The following TMC1 variants were observed in gnomAD, a reference collection of about 807,000 sequenced individuals.
TMC1 encodes transmembrane channel like 1.
A neutral mutation model predicts 105.8 loss-of-function variants in TMC1; 84 were observed. The ratio of observed to expected loss-of-function variants is 0.79; its 90% CI spans 0.67 to 0.95. The LOEUF (loss-of-function observed/expected upper bound fraction) is 0.95, where lower values mean the gene tolerates loss of function less well. Ranked by LOEUF, TMC1 falls within the 40% of genes least tolerant of loss-of-function variation. TMC1 has a pLI of 0.00. For synonymous variants in TMC1, 315 were observed against 311.5 expected (o/e 1.01, Z -0.12); for missense variants, 817 against 914.1 (o/e 0.89, Z 1.37).
chr9:72,609,884 A>C, intron 2 of TMC1, among the ~76,000 whole-genome samples: 1 of 152,032 alleles, frequency 6.6e-6, no homozygotes, highest in East Asian at 1.9e-4. Flanking sequence ...CTTACTCATC[A>C]AGAAGCCTTC....
At chr9:72,736,006 G>A (rs544983520) in intron 8 of TMC1, among the ~76,000 whole-genome samples, 1 of 152,090 alleles carries the variant, frequency 6.6e-6, no homozygotes, top group Admixed American at 6.6e-5. Context: ...TGGGGGTGCT[G>A]GCAGGGATCT....
intron 5 of TMC1, chr9:72,655,768 ACTGATG>A: frequency 1.8e-6 from 1 of 547,328 alleles, no homozygotes; most frequent in South Asian, 2.1e-5. Context: ...TCAAAAGATT[ACTGATG>A]CTTGTTTCAT....
intron 1 of TMC1, among the ~76,000 whole-genome samples, chr9:72,558,162 C>T (rs1330305869): frequency 6.6e-6 from 1 of 152,076 alleles, no homozygotes; most frequent in Non-Finnish European, 1.5e-5. Flanking sequence ...CTCTCTCTTT[C>T]TCTCTTTCTC....
intron 12 of TMC1, among the ~76,000 whole-genome samples, chr9:72,756,611 A>C (rs188454017): frequency 6.6e-6 from 1 of 152,190 alleles, no homozygotes; most frequent in East Asian, 1.9e-4. Flanking sequence ...CTGATTAGCA[A>C]AATGACAAAC....
Position 72,837,029 on chromosome 9 carries a change from T to C in TMC1, c.*1056T>C, listed in dbSNP as rs1829136558. On this transcript the variant is annotated 3_prime_UTR_variant, in exon 24 of 24. Coordinates refer to ENST00000297784, the MANE Select transcript of TMC1 (RefSeq NM_138691.3). ...TGTTCAGCTTTGACCTGGGTTTCTA[T>C]ACACTGGCATGGTTCTGGAGTTTGC... 1 of 152,230 alleles carries C rather than the reference T, an allele frequency of 6.6e-6. No homozygotes were observed. The highest frequency in any genetic ancestry group is 2.4e-5 in the African/African-American group (1 of 41,458). 9.4% of individuals were successfully genotyped at this position (152,230 alleles called of 1,614,324 possible). A position where few individuals can be genotyped will look rare whatever the true frequency, so the allele number is the denominator to read the frequency against.
At chr9:72,770,630 A>T (rs1265023885) in intron 12 of TMC1, among the ~76,000 whole-genome samples, 2 of 151,886 alleles carry the variant, frequency 1.3e-5, no homozygotes, top group African/African-American at 2.4e-5. Flanking sequence ...TTTACTACAG[A>T]TATAAAAGGA....
intron 3 of TMC1, among the ~76,000 whole-genome samples, chr9:72,626,645 A>G (rs1435278002): frequency 5.9e-5 from 9 of 152,198 alleles, no homozygotes; most frequent in African/African-American, 1.9e-4. Context: ...AGTGTTGTCC[A>G]CAGAGTTAAA....
At chr9:72,764,171 T>C (rs1319576094) in intron 12 of TMC1, among the ~76,000 whole-genome samples, 2 of 152,300 alleles carry the variant, frequency 1.3e-5, no homozygotes, top group South Asian at 2.1e-4. Flanking sequence ...GTAGCTGCAA[T>C]ATATTCTTTA....
intron 7 of TMC1, among the ~76,000 whole-genome samples, chr9:72,697,342 C>A (rs1198405650): frequency 6.6e-6 from 1 of 152,082 alleles, no homozygotes; most frequent in Non-Finnish European, 1.5e-5. Flanking sequence ...CACAATCTTG[C>A]AATCTTCAAA....
At chr9:72,634,137 G>A (rs1825494396) in intron 4 of TMC1, among the ~76,000 whole-genome samples, 1 of 152,150 alleles carries the variant, frequency 6.6e-6, no homozygotes, top group Non-Finnish European at 1.5e-5. Context: ...TGAAATCATA[G>A]GAGTATCCAA....
At chr9:72,817,245 A>G (rs1365321150) in intron 19 of TMC1, 1 of 152,182 alleles carries the variant, frequency 6.6e-6, no homozygotes, top group African/African-American at 2.4e-5. Context: ...AGGTGAATCA[A>G]TATGGAAAAG....
Position 72,733,144 on chromosome 9 carries a change from T to G in TMC1, c.363-6975T>G, listed in dbSNP as rs563579602. Among the ~76,000 whole-genome samples, 126 of 148,754 alleles carry G rather than the reference T, an allele frequency of 8.5e-4. 4 individuals carry two copies. The South Asian group carries it at 0.026, about 31-fold the overall frequency. On this transcript the variant is annotated intron_variant, in intron 8 of 23. Transcript: ENST00000297784. ...AGTGCTACAGAGAACATGTGCAGAG[T>G]TTTGAGAGAAAACACAGTTGGATAT... is the stretch of plus-strand genomic sequence containing the variant.
Position 72,750,216 on chromosome 9 carries a change from C to A in TMC1, c.536-1634C>A, listed in dbSNP as rs1215660231. On this transcript the variant is annotated intron_variant, in intron 10 of 23. Transcript: ENST00000297784. Reference sequence around the variant, plus strand: ...GAGGCTGGAATTTGCTACCCATGAACCTTCCTTTTCCATTGATAATGCTTC... The same window carrying A: ...GAGGCTGGAATTTGCTACCCATGAAACTTCCTTTTCCATTGATAATGCTTC... Among the ~76,000 whole-genome samples the A allele has an allele frequency of 8.5e-5, 13 of 152,182 alleles. 1 individual carries two copies. Among genetic ancestry groups the A allele is most frequent in the Admixed American group, 7.2e-4 (11 of 15,288 alleles).
chr9:72,687,260 A>G (rs1826393629), intron 5 of TMC1, among the ~76,000 whole-genome samples: 1 of 152,176 alleles, frequency 6.6e-6, no homozygotes, highest in Non-Finnish European at 1.5e-5. Context: ...ATTTGTCCTC[A>G]GCTGTTTCTT....
At chr9:72,623,147 G>GTTTTTTTT (rs1162181237) in intron 3 of TMC1, among the ~76,000 whole-genome samples, 3 of 113,678 alleles carry the variant, frequency 2.6e-5, no homozygotes, top group African/African-American at 3.4e-5. Flanking sequence ...CTCTCTCCCT[G>GTTTTTTTT]TTTTTTTTTT....
At chr9:72,627,031 T>G (rs1003594093) in intron 3 of TMC1, among the ~76,000 whole-genome samples, 38 of 137,332 alleles carry the variant, frequency 2.8e-4, no homozygotes, top group Non-Finnish European at 5.3e-4. Flanking sequence ...ATGTTGTTGG[T>G]TTTTTTTTTT....
At chr9:72,699,558 G>T (rs1053250308) in intron 7 of TMC1, among the ~76,000 whole-genome samples, 1 of 152,122 alleles carries the variant, frequency 6.6e-6, no homozygotes, top group Non-Finnish European at 1.5e-5. Context: ...AGAATTGAGG[G>T]AAGGTATTCA....
At chr9:72,797,053 C>G (rs534868855) in intron 17 of TMC1, among the ~76,000 whole-genome samples, 1 of 151,864 alleles carries the variant, frequency 6.6e-6, no homozygotes, top group African/African-American at 2.4e-5. Flanking sequence ...CAAAATTGCT[C>G]GCATTCTTAT....
intron 2 of TMC1, among the ~76,000 whole-genome samples, chr9:72,610,076 A>G (rs757929364): frequency 6.6e-6 from 1 of 152,214 alleles, no homozygotes; most frequent in African/African-American, 2.4e-5. Flanking sequence ...AATACCTACC[A>G]CATAGTAGAC....
Sources: gnomAD v4.1 joint callset for allele counts (sites outside exome capture counted in the v4.1 genomes callset) on GRCh38, gnomAD v4.1.1 for gene constraint, MANE v1.5 for transcripts, NCBI Gene and HGNC (gene_info 2026-07-23, HGNC 2026-07-21) for gene names.